Variants in TBC1D19 observed in about 807,000 individuals in gnomAD.
The protein encoded by TBC1D19 is TBC1 domain family, member 19.
In TBC1D19, 60 loss-of-function variants were observed where a neutral mutation model predicts 89.0. The ratio of observed to expected loss-of-function variants is 0.67; its 90% CI spans 0.55 to 0.84. The LOEUF (loss-of-function observed/expected upper bound fraction) is 0.84, where lower values mean the gene tolerates loss of function less well. Ranked by LOEUF, TBC1D19 falls within the 40% of genes least tolerant of loss-of-function variation. TBC1D19 has a pLI of 0.00. For synonymous variants in TBC1D19, 189 were observed against 199.7 expected (o/e 0.95, Z 0.45); for missense variants, 500 against 610.8 (o/e 0.82, Z 1.91).
intron 13 of TBC1D19, among the ~76,000 whole-genome samples, chr4:26,705,810 A>G (rs547051852): frequency 6.6e-6 from 1 of 152,246 alleles, no homozygotes; most frequent in South Asian, 2.1e-4. Context: ...TGGTGTTGGT[A>G]TCAAGGTAAT....
chr4:26,735,766 C>G (rs1050646806), intron 16 of TBC1D19, among the ~76,000 whole-genome samples: 9 of 152,088 alleles, frequency 5.9e-5, no homozygotes, highest in Non-Finnish European at 1.0e-4. Flanking sequence ...ATAGTCCAGG[C>G]GTGGTGGCTC....
intron 1 of TBC1D19, among the ~76,000 whole-genome samples, chr4:26,578,597 GC>G (rs1303518287): frequency 3.3e-5 from 5 of 151,934 alleles, no homozygotes; most frequent in Non-Finnish European, 5.9e-5. Flanking sequence ...GAGAGAGAGA[GC>G]ACGTGCAATT....
chr4:26,725,185 G>C (rs1038722842), intron 15 of TBC1D19, among the ~76,000 whole-genome samples: 1 of 152,140 alleles, frequency 6.6e-6, no homozygotes. Context: ...TATGGTAGGT[G>C]GGCAAATTAA....
At chr4:26,731,599 A>G (rs1013173062) in intron 15 of TBC1D19, among the ~76,000 whole-genome samples, 5 of 152,168 alleles carry the variant, frequency 3.3e-5, no homozygotes, top group Non-Finnish European at 5.9e-5. Context: ...ATTAATAATG[A>G]GAATACTGGT....
the TBC1D19 span, among the ~76,000 whole-genome samples, chr4:26,815,310 C>G: frequency 1.3e-5 from 2 of 152,212 alleles, no homozygotes; most frequent in African/African-American, 2.4e-5. Flanking sequence ...TTTCCTGGAG[C>G]TGGCCATTCT....
the TBC1D19 span, among the ~76,000 whole-genome samples, chr4:26,775,079 A>G: frequency 6.6e-6 from 1 of 152,202 alleles, no homozygotes; most frequent in African/African-American, 2.4e-5. Context: ...AGTATTGAGA[A>G]CTGGTAAATT....
At position 26,640,932 on chromosome 4, in the gene TBC1D19, A is replaced by G. The variant is rs372615814; in HGVS notation, c.480+745A>G. On this transcript the variant is annotated intron_variant, in intron 7 of 20. Coordinates refer to ENST00000264866, the MANE Select transcript of TBC1D19 (RefSeq NM_018317.4). Reference sequence around the variant, plus strand: ...GGGTGGAGCCCACCACAGCTCAACGAGGCCTGCCTGCCTCTGTAGACTCCA... The same window carrying G: ...GGGTGGAGCCCACCACAGCTCAACGGGGCCTGCCTGCCTCTGTAGACTCCA... Among the ~76,000 whole-genome samples, 956 of 152,326 alleles carry G rather than the reference A, an allele frequency of 6.3e-3. 7 individuals are homozygous for G. The highest frequency in any genetic ancestry group is 0.022 in the African/African-American group (903 of 41,578).
At chr4:26,659,171 C>T (rs1046161353) in intron 7 of TBC1D19, among the ~76,000 whole-genome samples, 2 of 152,056 alleles carry the variant, frequency 1.3e-5, no homozygotes, top group Non-Finnish European at 2.9e-5. Flanking sequence ...CATCATCTTT[C>T]TACAAATATT....
chr4:26,709,592 C>G (rs1560488189), intron 13 of TBC1D19, among the ~76,000 whole-genome samples: 1 of 151,908 alleles, frequency 6.6e-6, no homozygotes, highest in Admixed American at 6.6e-5. Context: ...TAAGCTGTTC[C>G]TGGGACTCAT....
chr4:26,625,922 T>A (rs1264926016), intron 4 of TBC1D19, among the ~76,000 whole-genome samples: 1 of 152,098 alleles, frequency 6.6e-6, no homozygotes, highest in African/African-American at 2.4e-5. Context: ...ACTGTAATGT[T>A]ACTCTTTTTC....
chr4:26,734,024 T>C (rs1227076258), intron 15 of TBC1D19, among the ~76,000 whole-genome samples: 2 of 152,292 alleles, frequency 1.3e-5, no homozygotes, highest in African/African-American at 4.8e-5. Context: ...CTGATGGTGA[T>C]AGAGCAGGAG....
At chr4:26,752,095 T>TG (rs1718995082) in intron 19 of TBC1D19, among the ~76,000 whole-genome samples, 1 of 152,102 alleles carries the variant, frequency 6.6e-6, no homozygotes, top group Admixed American at 6.6e-5. Context: ...ATTAGTAAAA[T>TG]GGGCTATTAA....
chr4:26,589,286 C>A (rs1248234497), intron 1 of TBC1D19, among the ~76,000 whole-genome samples: 1 of 144,110 alleles, frequency 6.9e-6, no homozygotes, highest in African/African-American at 2.9e-5. Flanking sequence ...AAAACACAAA[C>A]AACAACAACA....
intron 4 of TBC1D19, among the ~76,000 whole-genome samples, chr4:26,625,753 G>A (rs1171066653): frequency 1.3e-5 from 2 of 152,100 alleles, no homozygotes; most frequent in Non-Finnish European, 1.5e-5. Flanking sequence ...GTTTTCTCAT[G>A]ATTAGGCTGG....
At chr4:26,835,660 C>T in the TBC1D19 span, among the ~76,000 whole-genome samples, 1 of 152,176 alleles carries the variant, frequency 6.6e-6, no homozygotes, top group Non-Finnish European at 1.5e-5. Context: ...TAGTCTCAGC[C>T]ACTATTCTTG....
At chr4:26,753,093 C>T (rs1309024288) in intron 19 of TBC1D19, among the ~76,000 whole-genome samples, 2 of 152,100 alleles carry the variant, frequency 1.3e-5, no homozygotes, top group Non-Finnish European at 2.9e-5. Context: ...CCCACAGCAG[C>T]CCTCCCTACA....
the TBC1D19 span, among the ~76,000 whole-genome samples, chr4:26,850,540 C>CAAAAAAAAAAAAAAAAAAAAAAAAA: frequency 2.9e-4 from 26 of 90,418 alleles, no homozygotes; most frequent in African/African-American, 1.2e-3. Context: ...GACCCTGTCT[C>CAAAAAAAAAAAAAAAAAAAAAAAAA]AAAAAAAAAA....
intron 15 of TBC1D19, among the ~76,000 whole-genome samples, chr4:26,723,352 T>C (rs2109276799): frequency 6.6e-6 from 1 of 152,284 alleles, no homozygotes; most frequent in Non-Finnish European, 1.5e-5. Flanking sequence ...TATTATTACT[T>C]TGAAATCTTG....
chr4:26,576,766 G>A (rs1738983301), exon 1 of TBC1D19: 1 of 456,176 alleles, frequency 2.2e-6, no homozygotes, highest in South Asian at 1.5e-5. Context: ...ATGAAGAGAG[G>A]GGCCACAGTA....
Sources: allele counts gnomAD v4.1 joint callset (sites outside exome capture counted in the v4.1 genomes callset), GRCh38; gene constraint gnomAD v4.1.1; transcripts MANE v1.5; gene names NCBI Gene and HGNC (gene_info 2026-07-23, HGNC 2026-07-21).